Variants in TTC16 observed in about 807,000 individuals in gnomAD.
TTC16 encodes the protein tetratricopeptide repeat protein 16.
TTC16 carries 66 observed loss-of-function variants against 80.4 expected under a neutral mutation model. The ratio of observed to expected loss-of-function variants is 0.82; its 90% confidence interval spans 0.67 to 1.01. The LOEUF is 1.01. Among genes scored for constraint, TTC16 ranks in the 50% least tolerant of loss-of-function variants. TTC16 has a pLI of 0.00. For synonymous variants in TTC16, 438 were observed against 451.3 expected (o/e 0.97, Z 0.37); for missense variants, 1,070 against 1,103.2 (o/e 0.97, Z 0.43).
At position 127,731,458 on chromosome 9, in the gene TTC16, C is replaced by CCT; in HGVS notation, c.*55_*56dup. ...CTGGGGAGGGGACGAGTTCTACCCA[C>CCT]CTCCCCACACTGGCACTCAGCCAGC... On this transcript the variant is annotated 3_prime_UTR_variant, in exon 14 of 14. Transcript: ENST00000373289. The CCT allele has an allele frequency of 6.5e-7, 1 of 1,548,772 alleles. No homozygotes were observed. Among genetic ancestry groups the CCT allele is most frequent in the African/African-American group, 1.4e-5 (1 of 73,216 alleles).
chr9:127,726,787 C>CAAAAAA (rs55676226), intron 10 of TTC16, among the ~76,000 whole-genome samples, 183 bp from the exon 11 acceptor site: 14 of 127,660 alleles, frequency 1.1e-4, no homozygotes, highest in East Asian at 3.3e-4. Context: ...GACTCTGTCT[C>CAAAAAA]AAAAAAAAAA....
Position 127,724,863 on chromosome 9 carries a change from C to G in TTC16, c.1225C>G (p.Gln409Glu). Residue 409 changes from glutamine to glutamate, a missense_variant, in exon 9 of 14, where the codon CAG (glutamine) becomes GAG (glutamate). By Grantham distance (29) the Gln-to-Glu change is conservative. Transcript: ENST00000373289. Reference protein sequence around the residue: ...EGANTRMGLLQEKMGFCEQRR... With the variant: ...EGANTRMGLLEEKMGFCEQRR... The stretch of plus-strand genomic sequence containing the variant: ...CGCCAACACGCGCATGGGCCTGCTG[C>G]AGGAGAAGATGGGCTTCTGCGAGCA... 1 of 1,579,370 alleles carries G rather than the reference C, an allele frequency of 6.3e-7. No individual in the cohort carries two copies. The highest frequency in any genetic ancestry group is 8.6e-7 in the Non-Finnish European group (1 of 1,165,016).
At chr9:127,724,931 CAGGCCCG>C in intron 9 of TTC16, 34 bp downstream of exon 9, 1 of 1,466,292 alleles carries the variant, frequency 6.8e-7, no homozygotes, top group Non-Finnish European at 9.0e-7. Flanking sequence ...GTGGGCGGGG[CAGGCCCG>C]AGGGCAGGGC....
At chr9:127,729,906 C>A in intron 13 of TTC16, 1 of 528,048 alleles carries the variant, frequency 1.9e-6, no homozygotes, top group Non-Finnish European at 3.4e-6. Context: ...CCCTCCTAGC[C>A]CTGTCCCTGA....
rs1190440133 is a variant in TTC16, at chr9:127,718,805, C to T, written c.426+1033C>T. On this transcript the variant is annotated intron_variant, in intron 4 of 13. Transcript: ENST00000373289. The surrounding 1 kb of genome is among the most constrained non-coding windows in gnomAD (Gnocchi z 4.6). ...TGGGTTTTTGCCATGTTGGCCAGGC[C>T]GGTCTCCAACTCCTGACCTCAAGTA... Among the ~76,000 whole-genome samples, 3 of 151,246 alleles carry T rather than the reference C, an allele frequency of 2.0e-5. No homozygotes were observed. Among genetic ancestry groups the T allele is most frequent in the Non-Finnish European group, 3.0e-5 (2 of 67,698 alleles).
chr9:127,730,827 C>T lies in TTC16; in HGVS notation c.2044C>T (p.Leu682Phe), dbSNP rs1296925065. 3 of 1,612,476 alleles carry T rather than the reference C, an allele frequency of 1.9e-6. No homozygotes were observed. The highest frequency in any genetic ancestry group is 2.5e-6 in the Non-Finnish European group (3 of 1,179,646). ...IKATQGQRQS[L>F]SKTEPTQSQR... ...GGCCACCCAGGGCCAGAGGCAGAGC[C>T]TTAGCAAGACTGAGCCCACCCAGAG... is the stretch of plus-strand genomic sequence containing the variant. The change falls in exon 14 of 14, where the codon CTT becomes TTT. Residue 682 changes from leucine (L) to phenylalanine (F), a missense_variant. Transcript: ENST00000373289.
Position 127,726,956 on chromosome 9 carries a change from C to T in TTC16, c.1426-14C>T, listed in dbSNP as rs533815026. On this transcript the variant is annotated splice_polypyrimidine_tract_variant and intron_variant, in intron 10 of 13. Transcript: ENST00000373289. ...TGGCCCTCACCTGGCTCTGGTCACC[C>T]CCTTTCGTGGCAGCTGTCCCTGCTG... The T allele has an allele frequency of 3.6e-5, 58 of 1,613,142 alleles. No homozygotes were observed. The highest frequency in any genetic ancestry group is 4.8e-5 in the Non-Finnish European group (57 of 1,180,018).
At chr9:127,720,427 C>G in intron 6 of TTC16, 32 bp downstream of exon 6, 2 of 1,609,920 alleles carry the variant, frequency 1.2e-6, no homozygotes, top group Non-Finnish European at 1.7e-6. Context: ...GGGGCATGCC[C>G]CCCAACCTGG....
intron 9 of TTC16, among the ~76,000 whole-genome samples, chr9:127,725,676 T>C (rs1843897670): frequency 6.6e-6 from 1 of 150,698 alleles, no homozygotes; most frequent in Non-Finnish European, 1.5e-5. Context: ...CTCAGCTCAC[T>C]GCAACCTCCA....
In TTC16 at chr9:127,727,473, G is replaced by T. The variant is rs769241110; in HGVS notation, c.1764+8G>T. On this transcript the variant is annotated splice_region_variant and intron_variant, in intron 12 of 13. Coordinates refer to ENST00000373289, the MANE Select transcript of TTC16 (RefSeq NM_144965.3). ...GAGAAGGAGAAAAAAGAGGTAAGTG[G>T]AGTACAGGCCAGGGCTCGGAGCCCT... is the stretch of plus-strand genomic sequence containing the variant. 6.4e-7 allele frequency: 1 copy of T among 1,558,150 alleles called. No individual in the cohort carries two copies. The highest frequency in any genetic ancestry group is 2.4e-5 in the East Asian group (1 of 41,788).
chr9:127,725,520 A>T (rs1485684466), intron 9 of TTC16, among the ~76,000 whole-genome samples: 7 of 127,918 alleles, frequency 5.5e-5, no homozygotes, highest in African/African-American at 2.1e-4. Flanking sequence ...GCCGAGATCA[A>T]GCCACTGCAC....
In TTC16 at chr9:127,716,174, G is replaced by C; in HGVS notation, c.18+11G>C. Reference sequence around the variant, plus strand: ...ACAGATTCGGACGAGGTGCGGGCTTGGGAGAAGACTAACGCAAAGGCAGAG... The same window carrying C: ...ACAGATTCGGACGAGGTGCGGGCTTCGGAGAAGACTAACGCAAAGGCAGAG... On this transcript the variant is annotated intron_variant, in intron 1 of 13. Transcript: ENST00000373289. The C allele has an allele frequency of 6.2e-7, 1 of 1,613,900 alleles. No homozygotes were observed. The highest frequency in any genetic ancestry group is 8.5e-7 in the Non-Finnish European group (1 of 1,180,002).
In TTC16 at chr9:127,722,199, C is replaced by A. The variant is rs116149694; in HGVS notation, c.658-920C>A. The stretch of plus-strand genomic sequence containing the variant: ...AGCCCAAGGCTGCTTATGCCGAAGC[C>A]CTGCCCCTAGCTCCTGCCATTTCCC... On this transcript the variant is annotated intron_variant, in intron 6 of 13. Coordinates refer to ENST00000373289, the MANE Select transcript of TTC16 (RefSeq NM_144965.3). The surrounding 1 kb of genome is among the most constrained non-coding windows in gnomAD (Gnocchi z 4.2). 3.7e-4 allele frequency among the ~76,000 whole-genome samples: 57 copies of A among 152,292 alleles called. No individual in the cohort carries two copies. Among genetic ancestry groups the A allele is most frequent in the African/African-American group, 1.3e-3 (56 of 41,572 alleles).
At chr9:127,724,686 G>T in intron 8 of TTC16, 70 bp from the exon 9 acceptor site, 1 of 1,554,764 alleles carries the variant, frequency 6.4e-7, no homozygotes. Context: ...CCCCGGGCTG[G>T]AGCCGGCTGG....
chr9:127,727,181 C>T (rs1013491457), intron 11 of TTC16, 69 bp downstream of exon 11: 4 of 1,518,860 alleles, frequency 2.6e-6, no homozygotes, highest in Non-Finnish European at 3.5e-6. Flanking sequence ...CCTCTGGCTC[C>T]AGCTGCATGA....
In TTC16 at chr9:127,723,208, C is replaced by G; in HGVS notation, c.747C>G (p.Ala249=). The part of the protein sequence containing the change: ...QARMLLQKMV[A]QAQQARQDAG... ...GGATGCTGCTCCAGAAGATGGTGGC[C>G]CAGGCCCAGCAGGCGCGCCAAGATG... is the stretch of plus-strand genomic sequence containing the variant. Residue 249 remains alanine, a synonymous_variant, in exon 7 of 14, where the codon GCC becomes GCG. Transcript: ENST00000373289. The G allele has an allele frequency of 6.2e-7, 1 of 1,612,850 alleles. No individual in the cohort carries two copies.
rs1053083410 is a variant in TTC16 at position 127,724,870 on chromosome 9, AGAT to A, written c.1234_1236del (p.Met412del). ...ACGCGCATGGGCCTGCTGCAGGAGA[AGAT>A]GGGCTTCTGCGAGCAGAGGCGCAAG... On this transcript the variant is annotated inframe_deletion, in exon 9 of 14. Transcript: ENST00000373289. 1 of 1,571,982 alleles carries A rather than the reference AGAT, an allele frequency of 6.4e-7. No individual in the cohort carries two copies. Among genetic ancestry groups the A allele is most frequent in the African/African-American group, 1.4e-5 (1 of 73,794 alleles).
chr9:127,717,331 C>G lies in TTC16; in HGVS notation c.192-3C>G, dbSNP rs749925880. 4 of 1,609,420 alleles carry G rather than the reference C, an allele frequency of 2.5e-6. No individual in the cohort carries two copies. The South Asian group carries it at 4.4e-5, about 18-fold the overall frequency. The stretch of plus-strand genomic sequence containing the variant: ...CCTCTGCCTGTCCCCACTTTCCCCA[C>G]AGCTACTCCAGAGGCCAGCAGTGCT... On this transcript the variant is annotated splice_polypyrimidine_tract_variant and splice_region_variant and intron_variant, in intron 2 of 13. Transcript: ENST00000373289.
At position 127,717,903 on chromosome 9, in the gene TTC16, CT is replaced by C. The variant is rs1406242556; in HGVS notation, c.426+132del. The C allele has an allele frequency of 2.4e-5, 29 of 1,200,190 alleles. No homozygotes were observed. The African/African-American group carries it at 4.3e-4, about 18-fold the overall frequency. The allele number at this position is 1,200,190 out of a possible 1,614,324, so 74.3% of individuals were successfully genotyped here. A position where few individuals can be genotyped will look rare whatever the true frequency, so the allele number is the denominator to read the frequency against. ...TGTGTCTGGGTCCCCCCCGCTGCCC[CT>C]CTCACCTCCAAGGCTGGTTTACTGC... On this transcript the variant is annotated intron_variant, in intron 4 of 13. Transcript: ENST00000373289.
Sources: gnomAD v4.1 joint callset for allele counts (sites outside exome capture counted in the v4.1 genomes callset) on GRCh38, gnomAD v4.1.1 for gene constraint, Gnocchi (gnomAD v3.1) non-coding constraint, MANE v1.5 for transcripts, NCBI Gene and HGNC (gene_info 2026-07-23, HGNC 2026-07-21) for gene names.